ITPRID1: variants seen among roughly 807,000 people sequenced by gnomAD.
ITPRID1 encodes protein ITPRID1.
In ITPRID1, 96 loss-of-function variants were observed where a neutral mutation model predicts 95.4. The ratio of observed to expected loss-of-function variants is 1.01; its 90% CI spans 0.85 to 1.19. ITPRID1 has a LOEUF of 1.19. ITPRID1 is among the 50% of genes most tolerant of loss of function. The pLI, the probability that ITPRID1 is intolerant of heterozygous loss-of-function variation, is 0.00. For missense variants in ITPRID1, 1,339 were observed against 1,252.9 expected, an observed-to-expected ratio of 1.07 and a Z score of -1.04; for synonymous variants, 510 against 453.6, an observed-to-expected ratio of 1.12 and a Z score of -1.58.
chr7:31,520,560 TGTGTGAGAGAGAGAGA>T (rs1207485671), intron 1 of ITPRID1, among the ~76,000 whole-genome samples: 2 of 78,760 alleles, frequency 2.5e-5, no homozygotes, highest in African/African-American at 5.3e-5. Flanking sequence ...TGTGTGTGTG[TGTGTGAGAGAGAGAGA>T]GAGAGTTTGG....
At chr7:31,652,369 G>A in intron 14 of ITPRID1, 149 bp from the exon 15 acceptor site, 1 of 1,264,710 alleles carries the variant, frequency 7.9e-7, no homozygotes, top group South Asian at 1.6e-5. Context: ...GCCAATATAA[G>A]CTAAGTCACT....
At chr7:31,625,100 A>G (rs1210416899) in intron 10 of ITPRID1, among the ~76,000 whole-genome samples, 2 of 152,168 alleles carry the variant, frequency 1.3e-5, no homozygotes, top group African/African-American at 4.8e-5. Flanking sequence ...TTAGAATGGC[A>G]ATCATTAAGA....
chr7:31,648,768 A>G (rs1790703673), intron 12 of ITPRID1, among the ~76,000 whole-genome samples: 2 of 152,206 alleles, frequency 1.3e-5, no homozygotes, highest in East Asian at 3.8e-4. Flanking sequence ...AGAACCACTC[A>G]AACAGCTCGC....
chr7:31,624,832 G>A (rs568693108), intron 10 of ITPRID1, among the ~76,000 whole-genome samples: 5 of 152,204 alleles, frequency 3.3e-5, no homozygotes, highest in South Asian at 2.1e-4. Context: ...AGAGTGAACA[G>A]GCAACCCACA....
At chr7:31,608,244 A>C (rs761911474) in intron 10 of ITPRID1, among the ~76,000 whole-genome samples, 1 of 152,002 alleles carries the variant, frequency 6.6e-6, no homozygotes, top group Non-Finnish European at 1.5e-5. Context: ...TACTACTAAC[A>C]CACTGTCTTC....
In ITPRID1 at chr7:31,538,366, G is replaced by A. The variant is rs186981116; in HGVS notation, c.-97-11060G>A. Among the ~76,000 whole-genome samples, 360 of 152,160 alleles carry A rather than the reference G, an allele frequency of 2.4e-3. 1 individual carries two copies. Among genetic ancestry groups the A allele is most frequent in the African/African-American group, 8.0e-3 (334 of 41,528 alleles). On this transcript the variant is annotated intron_variant, in intron 1 of 14. Coordinates refer to ENST00000615280, the MANE Select transcript of ITPRID1 (RefSeq NM_001257967.3). The stretch of plus-strand genomic sequence containing the variant: ...CAGTGTTTATTTTCTCAAACCACAG[G>A]CCAGTTTTTTACATAATGATAGTAT...
chr7:31,602,542 G>C (rs2128160471), intron 10 of ITPRID1, among the ~76,000 whole-genome samples: 1 of 152,300 alleles, frequency 6.6e-6, no homozygotes, highest in Middle Eastern at 3.4e-3. Flanking sequence ...CTGCACGAGA[G>C]GCTGCATTAG....
At chr7:31,560,914 A>G (rs1471500625) in intron 5 of ITPRID1, among the ~76,000 whole-genome samples, 1 of 152,166 alleles carries the variant, frequency 6.6e-6, no homozygotes, top group Non-Finnish European at 1.5e-5. Flanking sequence ...AGACCACACA[A>G]GTAAATGCAG....
At chr7:31,519,620 C>CTCTCTCTCCATATATATA in intron 1 of ITPRID1, among the ~76,000 whole-genome samples, 1 of 25,270 alleles carries the variant, frequency 4.0e-5, no homozygotes, top group Non-Finnish European at 7.3e-5. Context: ...CTCTCTCTCT[C>CTCTCTCTCCATATATATA]TATATATATA....
chr7:31,521,559 C>T (rs1783248748), intron 1 of ITPRID1, among the ~76,000 whole-genome samples: 1 of 151,996 alleles, frequency 6.6e-6, no homozygotes, highest in South Asian at 2.1e-4. Context: ...TCTCTGAGAC[C>T]TCAGTTCTGG....
In ITPRID1 at chr7:31,654,539, G is replaced by A. The variant is rs1791200545; in HGVS notation, c.*1710G>A. Among the ~76,000 whole-genome samples the A allele has an allele frequency of 2.0e-5, 3 of 152,172 alleles. No homozygotes were observed. Among genetic ancestry groups the A allele is most frequent in the Admixed American group, 6.5e-5 (1 of 15,280 alleles). The stretch of plus-strand genomic sequence containing the variant: ...GAAAACGCCCCTGGGGGTCTACAGT[G>A]AGGCAGAGTGCCCAGCTAGGAGGCT... On this transcript the variant is annotated 3_prime_UTR_variant, in exon 15 of 15. Transcript: ENST00000615280.
chr7:31,642,321 C>G (rs1387449828), intron 11 of ITPRID1, 63 bp downstream of exon 11: 10 of 1,120,936 alleles, frequency 8.9e-6, no homozygotes, highest in African/African-American at 1.6e-5. Flanking sequence ...GCCCTATCAA[C>G]CAGGCTGCCA....
intron 1 of ITPRID1, among the ~76,000 whole-genome samples, chr7:31,545,733 G>A (rs564304834): frequency 8.5e-5 from 13 of 152,100 alleles, no homozygotes; most frequent in South Asian, 2.1e-4. Context: ...TTTTGTGGTG[G>A]GAGGAAGCCA....
At chr7:31,656,690 A>G (rs1445773148), downstream of ITPRID1, among the ~76,000 whole-genome samples, 1 of 152,190 alleles carries the variant, frequency 6.6e-6, no homozygotes, top group Admixed American at 6.6e-5. Flanking sequence ...TTTAGATTGT[A>G]AAAAGGGACT....
intron 9 of ITPRID1, 88 bp downstream of exon 9, chr7:31,578,522 A>G (rs1052648135): frequency 1.7e-5 from 15 of 896,642 alleles, no homozygotes; most frequent in East Asian, 1.5e-4. Flanking sequence ...TCACCACTTC[A>G]TCTTTTAATC....
rs1256073556 is a variant in ITPRID1, at chr7:31,598,402, T to TC, written c.1228+15211_1228+15212insC. On this transcript the variant is annotated intron_variant, in intron 10 of 14. Transcript: ENST00000615280. Reference sequence around the variant, plus strand: ...AGCGAATTTCTTTTTTTTTTTCTTTTTTTTTTTTTTTTTTTTTTTGAGACG... The same window carrying TC: ...AGCGAATTTCTTTTTTTTTTTCTTTTCTTTTTTTTTTTTTTTTTTTGAGACG... Among the ~76,000 whole-genome samples the TC allele has an allele frequency of 1.9e-3, 266 of 137,120 alleles. 4 individuals carry two copies. The highest frequency in any genetic ancestry group is 2.4e-3 in the Non-Finnish European group (155 of 63,432). 90.0% of individuals were successfully genotyped at this position (137,120 alleles called of 152,430 possible).
At chr7:31,535,869 C>T (rs1415518139) in intron 1 of ITPRID1, among the ~76,000 whole-genome samples, 1 of 151,626 alleles carries the variant, frequency 6.6e-6, no homozygotes, top group Non-Finnish European at 1.5e-5. Context: ...ATTTGTTGTT[C>T]CTCTCTGTGT....
chr7:31,559,607 G>A (rs1381106538), intron 5 of ITPRID1, among the ~76,000 whole-genome samples: 5 of 152,188 alleles, frequency 3.3e-5, no homozygotes, highest in Non-Finnish European at 7.3e-5. Flanking sequence ...GGAGGTTGCA[G>A]TGAGCAGAGA....
intron 10 of ITPRID1, among the ~76,000 whole-genome samples, chr7:31,597,220 C>T (rs1261585258): frequency 6.6e-6 from 1 of 151,802 alleles, no homozygotes; most frequent in Non-Finnish European, 1.5e-5. Flanking sequence ...GAAAAAATTC[C>T]ATTAAACCAG....
Sources: gnomAD v4.1 joint callset for allele counts (sites outside exome capture counted in the v4.1 genomes callset) on GRCh38, gnomAD v4.1.1 for gene constraint, MANE v1.5 for transcripts, NCBI Gene and HGNC (gene_info 2026-07-23, HGNC 2026-07-21) for gene names.